The following SDK1 variants were observed in gnomAD, a reference collection of about 807,000 sequenced individuals.
SDK1 encodes the protein protein sidekick-1.
In SDK1, 157 loss-of-function variants were observed where a neutral mutation model predicts 245.5. The observed-to-expected ratio is 0.64, with a 90% CI of 0.56 to 0.73. SDK1 has a LOEUF of 0.73. Ranked by LOEUF, SDK1 falls within the 30% of genes least tolerant of loss-of-function variation. SDK1 has a pLI of 0.00. For missense variants in SDK1, 3,583 were observed against 3,002.3 expected, an observed-to-expected ratio of 1.19 and a Z score of -4.52; for synonymous variants, 1,647 against 1,278.5, an observed-to-expected ratio of 1.29 and a Z score of -6.15.
chr7:4,133,713 G>A (rs962595946), intron 28 of SDK1, among the ~76,000 whole-genome samples: 6 of 152,210 alleles, frequency 3.9e-5, no homozygotes, highest in African/African-American at 1.4e-4. Context: ...CTGTGTCCTG[G>A]AGAATGTGGC....
At chr7:3,775,583 T>C (rs1028225618) in intron 4 of SDK1, among the ~76,000 whole-genome samples, 7 of 151,568 alleles carry the variant, frequency 4.6e-5, no homozygotes, top group African/African-American at 1.7e-4. Context: ...TTCTTTTTTT[T>C]TTTTGAGACA....
intron 32 of SDK1, among the ~76,000 whole-genome samples, chr7:4,163,018 T>A (rs1781260279): frequency 6.6e-6 from 1 of 152,036 alleles, no homozygotes; most frequent in South Asian, 2.1e-4. Context: ...CAGACAGATG[T>A]TGAGTTTCCC....
rs201100832 is a variant in SDK1 at position 4,077,202 on chromosome 7, G to T, written c.3202+13G>T. The T allele has an allele frequency of 6.2e-7, 1 of 1,612,094 alleles. No homozygotes were observed. Among genetic ancestry groups the T allele is most frequent in the East Asian group, 2.2e-5 (1 of 44,854 alleles). On this transcript the variant is annotated intron_variant, in intron 21 of 44. Transcript: ENST00000404826. ...GGAGTGCCCCCAGGTCAGTAGAATC[G>T]TGTGCGGTCCTCCTGCTGTCACCTT... is the stretch of plus-strand genomic sequence containing the variant.
intron 44 of SDK1, among the ~76,000 whole-genome samples, chr7:4,259,915 C>G (rs1787873873): frequency 6.6e-6 from 1 of 152,224 alleles, no homozygotes; most frequent in African/African-American, 2.4e-5. Context: ...CTCGCTGAGC[C>G]TTGCTTCTTT....
At chr7:4,116,279 G>A (rs79794465) in intron 25 of SDK1, among the ~76,000 whole-genome samples, 1 of 152,196 alleles carries the variant, frequency 6.6e-6, no homozygotes, top group Non-Finnish European at 1.5e-5. Context: ...ATCCGTGCCA[G>A]GTGCTGCAAT....
intron 1 of SDK1, among the ~76,000 whole-genome samples, chr7:3,380,737 C>CA (rs1372424292): frequency 6.6e-6 from 1 of 152,150 alleles, no homozygotes; most frequent in African/African-American, 2.4e-5. Context: ...CTCATCATAA[C>CA]AGAGTGGCTG....
rs1322888360 is a variant in SDK1 at position 4,233,307 on chromosome 7, C to G, written c.5880C>G (p.Ser1960=). 6.2e-6 allele frequency: 10 copies of G among 1,613,892 alleles called. No homozygotes were observed. Among genetic ancestry groups the G allele is most frequent in the African/African-American group, 1.3e-5 (1 of 74,938 alleles). The stretch of plus-strand genomic sequence containing the variant: ...AGGACATCCCGCGGAGCGCCACATC[C>G]TACACCCTCAGCCTGGATAAGCTCC... ...FVKDIPRSAT[S]YTLSLDKLRQ... is the part of the protein sequence containing the mutation. Residue 1960 remains serine (S), a synonymous_variant, in exon 41 of 45, where the codon TCC becomes TCG. Transcript: ENST00000404826.
intron 1 of SDK1, among the ~76,000 whole-genome samples, chr7:3,314,709 T>A (rs1040410150): frequency 6.6e-6 from 1 of 152,206 alleles, no homozygotes; most frequent in African/African-American, 2.4e-5. Flanking sequence ...GCATGAAATA[T>A]AAGTTGTGTT....
chr7:3,740,740 G>C lies in SDK1; in HGVS notation c.714-80710G>C, dbSNP rs73672156. ...TGCTTATTCTTAACAAGATTCGTCT[G>C]TTTTTCTTGAATAAACAGTACTTAG... is the stretch of plus-strand genomic sequence containing the variant. On this transcript the variant is annotated intron_variant, in intron 4 of 44. Coordinates refer to ENST00000404826, the MANE Select transcript of SDK1 (RefSeq NM_152744.4). 5.9e-3 allele frequency among the ~76,000 whole-genome samples: 897 copies of C among 152,200 alleles called. 10 individuals carry two copies. The highest frequency in any genetic ancestry group is 0.021 in the African/African-American group (857 of 41,532).
At chr7:3,313,591 G>C (rs1779599151) in intron 1 of SDK1, among the ~76,000 whole-genome samples, 1 of 152,182 alleles carries the variant, frequency 6.6e-6, no homozygotes, top group African/African-American at 2.4e-5. Context: ...TTGCTTTGCA[G>C]TTTGAGAAAA....
chr7:3,868,852 A>C (rs1246508661), intron 5 of SDK1, among the ~76,000 whole-genome samples: 9 of 152,228 alleles, frequency 5.9e-5, no homozygotes, highest in Non-Finnish European at 8.8e-5. Context: ...TCAGAGTGAG[A>C]AACATTGACC....
chr7:3,550,331 C>G (rs951065340), intron 1 of SDK1, among the ~76,000 whole-genome samples: 1 of 152,126 alleles, frequency 6.6e-6, no homozygotes. Context: ...CGTTTTCTTC[C>G]CTTTTCTAAA....
chr7:3,772,711 T>C (rs1320564291), intron 4 of SDK1, among the ~76,000 whole-genome samples: 3 of 152,230 alleles, frequency 2.0e-5, no homozygotes, highest in African/African-American at 4.8e-5. Flanking sequence ...CAGTATCTTT[T>C]CATTTCATTC....
chr7:3,353,710 A>G (rs1405020043), intron 1 of SDK1, among the ~76,000 whole-genome samples: 1 of 152,180 alleles, frequency 6.6e-6, no homozygotes, highest in African/African-American at 2.4e-5. Flanking sequence ...TGATGACTCG[A>G]TTAACATACA....
Position 3,696,249 on chromosome 7 carries a change from G to T in SDK1, c.713+54144G>T, listed in dbSNP as rs80069063. Among the ~76,000 whole-genome samples the T allele has an allele frequency of 5.4e-3, 817 of 152,156 alleles. 6 individuals carry two copies. Among genetic ancestry groups the T allele is most frequent in the African/African-American group, 0.019 (791 of 41,506 alleles). On this transcript the variant is annotated intron_variant, in intron 4 of 44. Coordinates refer to ENST00000404826, the MANE Select transcript of SDK1 (RefSeq NM_152744.4). ...CACCACTCACTGTGGTCCTTGTTCA[G>T]ATCCATGCTCCACTGTGTGATCTTG...
At chr7:3,556,393 C>T (rs1374116796) in intron 1 of SDK1, among the ~76,000 whole-genome samples, 1 of 151,854 alleles carries the variant, frequency 6.6e-6, no homozygotes, top group Non-Finnish European at 1.5e-5. Context: ...GAATGGTTCC[C>T]TGAGGCTGGA....
At chr7:3,736,092 C>T (rs1779311495) in intron 4 of SDK1, among the ~76,000 whole-genome samples, 1 of 152,084 alleles carries the variant, frequency 6.6e-6, no homozygotes, top group African/African-American at 2.4e-5. Flanking sequence ...ATATTAACCC[C>T]TTATAAAATA....
At chr7:3,398,446 G>T (rs1778784614) in intron 1 of SDK1, among the ~76,000 whole-genome samples, 1 of 151,870 alleles carries the variant, frequency 6.6e-6, no homozygotes, top group Non-Finnish European at 1.5e-5. Flanking sequence ...TGTGAGACAG[G>T]GATGCTAGAG....
chr7:3,921,096 GA>G (rs1458781713), intron 5 of SDK1, among the ~76,000 whole-genome samples: 2 of 152,048 alleles, frequency 1.3e-5, no homozygotes, highest in Non-Finnish European at 2.9e-5. Context: ...GTTAAATGTA[GA>G]AAAATTAGAA....
Sources: allele counts gnomAD v4.1 joint callset (sites outside exome capture counted in the v4.1 genomes callset), GRCh38; gene constraint gnomAD v4.1.1; transcripts MANE v1.5; gene names NCBI Gene and HGNC (gene_info 2026-07-23, HGNC 2026-07-21).